Variants in PHYHD1 observed in about 807,000 individuals in gnomAD.
PHYHD1 encodes phytanoyl-CoA dioxygenase domain containing 1, also known as phytanoyl-CoA dioxygenase domain-containing protein 1.
PHYHD1 carries 42 observed loss-of-function variants against 43.6 expected under a neutral mutation model. That is an observed-to-expected ratio of 0.96 (90% CI 0.75 to 1.25). The LOEUF is 1.25. Among genes scored for constraint, PHYHD1 ranks in the 50% most tolerant of loss-of-function variants. PHYHD1 has a pLI of 0.00. For missense variants in PHYHD1, 342 were observed against 370.8 expected (o/e 0.92, Z 0.64); for synonymous variants, 139 against 143.6 (o/e 0.97, Z 0.23).
rs1405923712 is a variant in PHYHD1, at chr9:128,939,469, C to T, written c.458-900C>T. On this transcript the variant is annotated intron_variant, in intron 9 of 12. Transcript: ENST00000372592. ...TGTCAGGCACCTGTAATCCCAGCTA[C>T]TAGGGAGGCTGAAGCAGGAGAATCA... is the stretch of plus-strand genomic sequence containing the variant. 4.1e-5 allele frequency among the ~76,000 whole-genome samples: 5 copies of T among 120,960 alleles called. 2 individuals carry two copies. Among genetic ancestry groups the T allele is most frequent in the Non-Finnish European group, 9.6e-5 (5 of 52,304 alleles). The allele number at this position is 120,960 out of a possible 152,430, so 79.4% of individuals were successfully genotyped here. A position where few individuals can be genotyped will look rare whatever the true frequency, so the allele number is the denominator to read the frequency against.
chr9:128,936,385 G>A, intron 6 of PHYHD1, 63 bp from the exon 7 acceptor site: 1 of 1,563,828 alleles, frequency 6.4e-7, no homozygotes. Context: ...TGGGTGCCCA[G>A]AGCTGGGTGT....
chr9:128,932,492 C>T (rs1345173901), intron 4 of PHYHD1, among the ~76,000 whole-genome samples: 6 of 152,082 alleles, frequency 3.9e-5, no homozygotes, highest in African/African-American at 1.2e-4. Flanking sequence ...CTCAGCCTCC[C>T]GAGTAACTGG....
At chr9:128,940,790 A>G (rs1841539686) in intron 11 of PHYHD1, 75 bp downstream of exon 11, 2 of 1,494,318 alleles carry the variant, frequency 1.3e-6, no homozygotes, top group Non-Finnish European at 1.8e-6. Flanking sequence ...CCCAGCGTCC[A>G]AGAGGTTGCC....
rs774336312 is a variant in PHYHD1 at position 128,940,514 on chromosome 9, C to G, written c.586+17C>G. On this transcript the variant is annotated intron_variant, in intron 10 of 12. Transcript: ENST00000372592. ...CCCACACCAGTGAGGAACCCTGTCT[C>G]TTCTGCCCACTTGGGACTCCCCACC... The G allele has an allele frequency of 6.2e-7, 1 of 1,614,142 alleles. No homozygotes were observed. Among genetic ancestry groups the G allele is most frequent in the Non-Finnish European group, 8.5e-7 (1 of 1,180,010 alleles).
Position 128,933,094 on chromosome 9 carries a change from G to A in PHYHD1, c.193-688G>A, listed in dbSNP as rs186088291. Among the ~76,000 whole-genome samples, 352 of 143,872 alleles carry A rather than the reference G, an allele frequency of 2.4e-3. 7 individuals carry two copies. The East Asian group carries it at 0.039, about 16-fold the overall frequency. The allele number at this position is 143,872 out of a possible 152,430, so 94.4% of individuals were successfully genotyped here. A position where few individuals can be genotyped will look rare whatever the true frequency, so the allele number is the denominator to read the frequency against. ...TCTCGATCTCCTGACCTCGTGATCCGCCCACCTCGGCCTCCCAAAGTGCTG... is the reference window on the plus strand; with the variant it reads ...TCTCGATCTCCTGACCTCGTGATCCACCCACCTCGGCCTCCCAAAGTGCTG... On this transcript the variant is annotated intron_variant, in intron 4 of 12. Transcript: ENST00000372592.
chr9:128,923,779 G>A (rs950665624), intron 3 of PHYHD1, among the ~76,000 whole-genome samples: 4 of 152,118 alleles, frequency 2.6e-5, no homozygotes, highest in Admixed American at 6.6e-5. Flanking sequence ...GTGCACAGGA[G>A]TTCAAGACCA....
chr9:128,936,317 A>G, intron 6 of PHYHD1, 131 bp from the exon 7 acceptor site: 2 of 1,279,364 alleles, frequency 1.6e-6, no homozygotes, highest in Non-Finnish European at 2.2e-6. Context: ...TCAGTTGTAA[A>G]CAAGCAGAAG....
intron 6 of PHYHD1, among the ~76,000 whole-genome samples, chr9:128,935,151 C>T (rs150285354): frequency 1.2e-4 from 18 of 152,042 alleles, no homozygotes; most frequent in African/African-American, 4.1e-4. Context: ...GAGGAGGTCT[C>T]GTTATGTTGC....
At chr9:128,932,165 TATTG>T (rs1841299716) in intron 4 of PHYHD1, among the ~76,000 whole-genome samples, 10 of 125,022 alleles carry the variant, frequency 8.0e-5, no homozygotes, top group African/African-American at 3.3e-4. Context: ...TTATTATTAT[TATTG>T]TTATTATTAT....
In PHYHD1 at chr9:128,927,216, G is replaced by A. The variant is rs376580800; in HGVS notation, c.192+20G>A. On this transcript the variant is annotated intron_variant, in intron 4 of 12. Transcript: ENST00000372592. Reference sequence around the variant, plus strand: ...GCCCAGGTAGGTGTCTGGGGCACATGAGGATGGGATGTGGCTTTTGAGGGA... The same window carrying A: ...GCCCAGGTAGGTGTCTGGGGCACATAAGGATGGGATGTGGCTTTTGAGGGA... 13 of 1,613,106 alleles carry A rather than the reference G, an allele frequency of 8.1e-6. No individual in the cohort carries two copies. In the East Asian group the frequency reaches 2.9e-4, roughly 36 times the overall value.
intron 3 of PHYHD1, among the ~76,000 whole-genome samples, chr9:128,922,879 T>C (rs1387528107): frequency 6.6e-6 from 1 of 151,914 alleles, no homozygotes; most frequent in African/African-American, 2.4e-5. Flanking sequence ...CAGGTTTTTT[T>C]GGGAGGGTAG....
intron 4 of PHYHD1, among the ~76,000 whole-genome samples, chr9:128,933,417 G>C (rs1841347482): frequency 6.6e-6 from 1 of 152,020 alleles, no homozygotes; most frequent in African/African-American, 2.4e-5. Context: ...GGGATTACAG[G>C]TGTGAGTCGT....
chr9:128,940,749 C>A (rs199888748), intron 11 of PHYHD1, 34 bp downstream of exon 11: 25 of 1,600,940 alleles, frequency 1.6e-5, no homozygotes. Flanking sequence ...AGGCAGGGGG[C>A]TGAGTCCATC....
rs1841018256 is a variant in PHYHD1, at chr9:128,922,327, G to C, written c.4G>C (p.Ala2Pro). 6.4e-7 allele frequency: 1 copy of C among 1,550,916 alleles called. No homozygotes were observed. Among genetic ancestry groups the C allele is most frequent in the Non-Finnish European group, 8.7e-7 (1 of 1,147,248 alleles). The change falls in exon 3 of 13, where the codon GCC becomes CCC. Residue 2 changes from alanine to proline, a missense_variant. Coordinates refer to ENST00000372592, the MANE Select transcript of PHYHD1 (RefSeq NM_001100876.2). ...GCCCAGTGCCCTGAGCGTCTCCATG[G>C]CCTGCCTGAGCCCCTCGCAGCTCCA... Reference protein sequence around the residue: MACLSPSQLQKF... With the variant: MPCLSPSQLQKF...
intron 5 of PHYHD1, 25 bp downstream of exon 5, chr9:128,933,882 G>A: frequency 6.2e-7 from 1 of 1,611,474 alleles, no homozygotes; most frequent in South Asian, 1.1e-5. Context: ...CCCTAGAGCT[G>A]GGGAGGAGCC....
At chr9:128,925,443 C>T (rs980575329) in intron 3 of PHYHD1, among the ~76,000 whole-genome samples, 1 of 151,942 alleles carries the variant, frequency 6.6e-6, no homozygotes, top group African/African-American at 2.4e-5. Context: ...CCAGGCTAGT[C>T]TCCGACTCCT....
intron 8 of PHYHD1, 80 bp downstream of exon 8, chr9:128,936,725 C>T (rs1472605628): frequency 7.0e-7 from 1 of 1,420,896 alleles, no homozygotes. Flanking sequence ...TTACAATGGG[C>T]CAAAAGTTGC....
intron 9 of PHYHD1, among the ~76,000 whole-genome samples, chr9:128,940,010 G>A (rs1188275346): frequency 6.6e-6 from 1 of 152,146 alleles, no homozygotes. Flanking sequence ...GGGGCCGCTT[G>A]TCCCTGGTTA....
Position 128,941,849 on chromosome 9 carries a change from C to A in PHYHD1, c.*136C>A. 1.6e-6 allele frequency: 2 copies of A among 1,240,100 alleles called. No individual in the cohort carries two copies. Among genetic ancestry groups the A allele is most frequent in the East Asian group, 2.5e-5 (1 of 40,302 alleles). 76.8% of individuals were successfully genotyped at this position (1,240,100 alleles called of 1,614,324 possible). Reference sequence around the variant, plus strand: ...CTGGGCTTTCCTCCTGCCCTGTGGGCAGCAGCCTAGGCTGGGTCAGGGGCT... The same window carrying A: ...CTGGGCTTTCCTCCTGCCCTGTGGGAAGCAGCCTAGGCTGGGTCAGGGGCT... On this transcript the variant is annotated 3_prime_UTR_variant, in exon 13 of 13. Transcript: ENST00000372592.
Sources: gnomAD v4.1 joint callset for allele counts (sites outside exome capture counted in the v4.1 genomes callset) on GRCh38, gnomAD v4.1.1 for gene constraint, MANE v1.5 for transcripts, NCBI Gene and HGNC (gene_info 2026-07-23, HGNC 2026-07-21) for gene names.